Variants in NKIRAS1 observed in about 807,000 individuals in gnomAD.
The protein encoded by NKIRAS1 is NFKB inhibitor interacting Ras like 1, also known as NF-kappa-B inhibitor-interacting Ras-like protein 1.
A neutral mutation model predicts 19.8 loss-of-function variants in NKIRAS1; 16 were observed. The observed-to-expected ratio is 0.81, with a 90% CI of 0.55 to 1.23. The LOEUF is 1.23. NKIRAS1 is among the 50% of genes most tolerant of loss of function. The pLI is 0.00. For missense variants in NKIRAS1, 184 were observed against 220.0 expected (o/e 0.84, Z 1.04); for synonymous variants, 88 against 79.0 (o/e 1.11, Z -0.61).
chr3:23,944,671 G>C (rs1216137109), intron 1 of NKIRAS1, among the ~76,000 whole-genome samples: 2 of 152,192 alleles, frequency 1.3e-5, no homozygotes, highest in African/African-American at 4.8e-5. Context: ...GTAGGAATCT[G>C]GAGATTAGAA....
intron 4 of NKIRAS1, among the ~76,000 whole-genome samples, chr3:23,894,702 C>T (rs1381431129): frequency 2.6e-5 from 4 of 152,130 alleles, no homozygotes; most frequent in Admixed American, 6.6e-5. Context: ...CTTCCTCTAT[C>T]ACTCCCCTCC....
At chr3:23,909,510 G>A (rs148684601) in intron 3 of NKIRAS1, among the ~76,000 whole-genome samples, 1 of 152,302 alleles carries the variant, frequency 6.6e-6, no homozygotes, top group Non-Finnish European at 1.5e-5. Flanking sequence ...CTGGGAGACA[G>A]GGTGAGACTC....
rs1380217756 is a variant in NKIRAS1, at chr3:23,927,083, C to T, written c.-139-15633G>A. Among the ~76,000 whole-genome samples, 1 of 152,168 alleles carries T rather than the reference C, an allele frequency of 6.6e-6. No homozygotes were observed. The highest frequency in any genetic ancestry group is 1.5e-5 in the Non-Finnish European group (1 of 68,042). On this transcript the variant is annotated intron_variant, in intron 1 of 4. Transcript: ENST00000421515. This position sits in a 1 kb window ranked among gnomAD's most constrained non-coding sequence, Gnocchi z 4.0. The stretch of plus-strand genomic sequence containing the variant: ...CTGACTAGACATTTAGCTTCTCCAT[C>T]GATTTTAGTTATTCTTATTAATGAT...
rs1427717428 is a variant in NKIRAS1 at position 23,927,800 on chromosome 3, T to C, written c.-139-16350A>G. ...GATTCAAAAAATGATCATCCAAGGC[T>C]GGGCATGGTGGCTCATACCTGTAAT... On this transcript the variant is annotated intron_variant, in intron 1 of 4. Coordinates refer to the NKIRAS1 transcript ENST00000421515. This position sits in a 1 kb window ranked among gnomAD's most constrained non-coding sequence, Gnocchi z 4.0. Among the ~76,000 whole-genome samples the C allele has an allele frequency of 6.6e-6, 1 of 152,148 alleles. No individual in the cohort carries two copies. The highest frequency in any genetic ancestry group is 1.5e-5 in the Non-Finnish European group (1 of 68,020).
chr3:23,938,269 G>C (rs1385469795), intron 1 of NKIRAS1, among the ~76,000 whole-genome samples: 4 of 148,630 alleles, frequency 2.7e-5, no homozygotes, highest in African/African-American at 1.0e-4. Context: ...GAGTGCAGTA[G>C]TACGATCACA....
chr3:23,920,190 T>C, upstream of NKIRAS1: 1 of 985,868 alleles, frequency 1.0e-6, no homozygotes, highest in Non-Finnish European at 1.2e-6. Context: ...CTTTCAAGTG[T>C]GAGCTTAGAC....
Position 23,945,404 on chromosome 3 carries a change from C to T in NKIRAS1, c.-140+919G>A, listed in dbSNP as rs536068754. 176 of 191,874 alleles carry T rather than the reference C, an allele frequency of 9.2e-4. 5 individuals carry two copies. In the East Asian group the frequency reaches 0.023, roughly 25 times the overall value. 11.9% of individuals were successfully genotyped at this position (191,874 alleles called of 1,614,324 possible). Reference sequence around the variant, plus strand: ...CGGCCGCCGCCACCCTCTCTCGCTGCAGCCTGCTGTGCGCTGCACGGCCTG... The same window carrying T: ...CGGCCGCCGCCACCCTCTCTCGCTGTAGCCTGCTGTGCGCTGCACGGCCTG... On this transcript the variant is annotated intron_variant, in intron 1 of 4. Transcript: ENST00000421515.
intron 1 of NKIRAS1, chr3:23,946,298 C>T (rs1705705714): frequency 1.0e-6 from 1 of 985,332 alleles, no homozygotes; most frequent in Non-Finnish European, 1.2e-6. Flanking sequence ...CGAACCGGCG[C>T]CTGGGGAGGC....
Position 23,899,946 on chromosome 3 carries a change from A to G in NKIRAS1, c.336+862T>C, listed in dbSNP as rs577903439. ...TGGGAGGCCGAAGCAGGCGGATCAC[A>G]AAGTCAGGAGATCGAGACCATCCTG... On this transcript the variant is annotated intron_variant, in intron 4 of 4. Coordinates refer to ENST00000425478, the MANE Select transcript of NKIRAS1 (RefSeq NM_020345.4). Among the ~76,000 whole-genome samples, 70 of 151,778 alleles carry G rather than the reference A, an allele frequency of 4.6e-4. 1 individual carries two copies. In the South Asian group the frequency reaches 0.012, roughly 26 times the overall value.
intron 1 of NKIRAS1, among the ~76,000 whole-genome samples, chr3:23,930,290 A>C (rs1425248066): frequency 6.6e-6 from 1 of 152,164 alleles, no homozygotes; most frequent in Non-Finnish European, 1.5e-5. Context: ...ATGTAGTGGA[A>C]TAAGCAGTGC....
At chr3:23,945,953 C>T (rs1472762025) in intron 1 of NKIRAS1, among the ~76,000 whole-genome samples, 1 of 151,178 alleles carries the variant, frequency 6.6e-6, no homozygotes, top group Non-Finnish European at 1.5e-5. Flanking sequence ...GAGGCGGCGG[C>T]GGCGGGCGGG....
At chr3:23,919,998 T>A (rs1704982443), upstream of NKIRAS1, 9 of 986,852 alleles carry the variant, frequency 9.1e-6, no homozygotes, top group South Asian at 2.8e-4. Flanking sequence ...TAAATTCACA[T>A]AAAAGGTGAA....
At chr3:23,937,635 G>A (rs1213820534) in intron 1 of NKIRAS1, among the ~76,000 whole-genome samples, 1 of 151,464 alleles carries the variant, frequency 6.6e-6, no homozygotes, top group East Asian at 1.9e-4. Context: ...AAATAATGAG[G>A]CATTTCATAT....
chr3:23,941,128 G>A (rs988750663), intron 1 of NKIRAS1, among the ~76,000 whole-genome samples: 6 of 152,266 alleles, frequency 3.9e-5, no homozygotes, highest in Middle Eastern at 3.4e-3. Flanking sequence ...ATGTTGTTTC[G>A]GTATTAGGAG....
At chr3:23,905,985 C>A (rs1490788083) in intron 3 of NKIRAS1, among the ~76,000 whole-genome samples, 2 of 151,718 alleles carry the variant, frequency 1.3e-5, no homozygotes, top group African/African-American at 2.4e-5. Flanking sequence ...ATGGTGAAAC[C>A]CTGTCTCTAC....
chr3:23,904,629 C>A lies in NKIRAS1; in HGVS notation c.95-3580G>T, dbSNP rs533084912. On this transcript the variant is annotated intron_variant, in intron 3 of 4. Transcript: ENST00000425478. ...TTGGAGGAGACACTATCCTTCAAAC[C>A]ACAGCAACTAAGAACAAAGAAGAGA... Among the ~76,000 whole-genome samples, 13 of 147,522 alleles carry A rather than the reference C, an allele frequency of 8.8e-5. No individual in the cohort carries two copies. In the East Asian group the frequency reaches 2.5e-3, roughly 29 times the overall value.
chr3:23,916,813 G>T lies in NKIRAS1; in HGVS notation c.-169C>A, dbSNP rs1704575341. 1 of 152,774 alleles carries T rather than the reference G, an allele frequency of 6.5e-6. No homozygotes were observed. The highest frequency in any genetic ancestry group is 2.1e-4 in the South Asian group (1 of 4,836). The allele number at this position is 152,774 out of a possible 1,614,324, so 9.5% of individuals were successfully genotyped here. A position where few individuals can be genotyped will look rare whatever the true frequency, so the allele number is the denominator to read the frequency against. On this transcript the variant is annotated 5_prime_UTR_variant, in exon 1 of 5. Transcript: ENST00000425478. ...TCTCTCCTCAGACCTCAAAGACAGC[G>T]GCTCCACCGCGGTACGCGGCCACCG...
intron 1 of NKIRAS1, among the ~76,000 whole-genome samples, chr3:23,939,433 A>C (rs761700779): frequency 1.8e-4 from 28 of 152,228 alleles, no homozygotes; most frequent in Non-Finnish European, 4.0e-4. Flanking sequence ...AAAAAGCACA[A>C]ATAAATAAAA....
intron 1 of NKIRAS1, among the ~76,000 whole-genome samples, chr3:23,944,517 T>TA (rs1006123219): frequency 7.9e-5 from 12 of 152,220 alleles, no homozygotes; most frequent in African/African-American, 2.9e-4. Flanking sequence ...AATTTATGTC[T>TA]AGCTTTTTTC....
Sources: allele counts gnomAD v4.1 joint callset (sites outside exome capture counted in the v4.1 genomes callset), GRCh38; gene constraint gnomAD v4.1.1; non-coding constraint Gnocchi (gnomAD v3.1); transcripts MANE v1.5; gene names NCBI Gene and HGNC (gene_info 2026-07-23, HGNC 2026-07-21).